NTMT1: variants seen among roughly 807,000 people sequenced by gnomAD.
NTMT1 encodes the protein N-terminal RCC1 methyltransferase.
Under a neutral mutation model 17.5 loss-of-function variants are expected in NTMT1, and 8 were observed. The observed-to-expected ratio is 0.46, with a 90% confidence interval of 0.27 to 0.82. The LOEUF is 0.82. NTMT1 is among the 40% of genes least tolerant of loss of function. The pLI, the probability that NTMT1 is intolerant of heterozygous loss-of-function variation, is 0.15. For synonymous variants in NTMT1, 128 were observed against 126.8 expected, an observed-to-expected ratio of 1.01 and a Z score of -0.06; for missense variants, 221 against 303.5, an observed-to-expected ratio of 0.73 and a Z score of 2.02.
chr9:129,612,978 C>T (rs772879040), intron 1 of NTMT1: 9 of 1,195,366 alleles, frequency 7.5e-6, no homozygotes, highest in East Asian at 5.0e-5. Flanking sequence ...CAAGCCCCCA[C>T]GGTGACTTGG....
intron 1 of NTMT1, 50 bp downstream of exon 1, chr9:129,626,345 A>AGAGCCGCTGGGAGAG (rs1830893715): frequency 6.6e-6 from 1 of 152,222 alleles, no homozygotes; most frequent in South Asian, 2.1e-4. Flanking sequence ...GGGAGAGGGG[A>AGAGCCGCTGGGAGAG]GGCTGCGACC....
intron 2 of NTMT1, 25 bp from the exon 3 acceptor site, chr9:129,634,029 T>G: frequency 6.2e-7 from 1 of 1,602,906 alleles, no homozygotes. Flanking sequence ...GTCCCTCTGA[T>G]AGGTTATATG....
In NTMT1 at chr9:129,613,233, C is replaced by T. The variant is rs750183929; in HGVS notation, c.-55+4055C>T. ...TGGAGGTGTCCTCAGAAAGGTAGCC[C>T]TGTGTCTTCTGGGTGGACCTGGGGG... On this transcript the variant is annotated intron_variant, in intron 1 of 3. Transcript: ENST00000372486. The surrounding 1 kb of genome is among the most constrained non-coding windows in gnomAD (Gnocchi z 6.2). 6.2e-7 allele frequency: 1 copy of T among 1,610,608 alleles called. No homozygotes were observed. The highest frequency in any genetic ancestry group is 8.5e-7 in the Non-Finnish European group (1 of 1,178,148).
intron 1 of NTMT1, 66 bp from the exon 2 acceptor site, chr9:129,632,584 C>T: frequency 1.7e-6 from 2 of 1,179,670 alleles, no homozygotes; most frequent in Non-Finnish European, 2.4e-6. Context: ...TGAGACTGGC[C>T]CTCTGCCCTG....
Position 129,635,941 on chromosome 9 carries a change from C to CT in NTMT1, c.*478dup, listed in dbSNP as rs1831526863. The CT allele has an allele frequency of 6.1e-6, 1 of 162,762 alleles. No homozygotes were observed. Among genetic ancestry groups the CT allele is most frequent in the Admixed American group, 6.2e-5 (1 of 16,258 alleles). The allele number at this position is 162,762 out of a possible 1,614,324, so 10.1% of individuals were successfully genotyped here. On this transcript the variant is annotated 3_prime_UTR_variant, in exon 4 of 4. Coordinates refer to ENST00000372483, the MANE Select transcript of NTMT1 (RefSeq NM_014064.4). ...AGCCCATGGGTGCTGCCTGATGGTG[C>CT]TGTGGGGTGGGTGCTCATGTGCCAA...
In NTMT1 at chr9:129,632,864, G is replaced by T. The variant is rs1373252039; in HGVS notation, c.161G>T (p.Arg54Met). 6.2e-7 allele frequency: 1 copy of T among 1,613,812 alleles called. No homozygotes were observed. The highest frequency in any genetic ancestry group is 8.5e-7 in the Non-Finnish European group (1 of 1,179,902). ...SSRKFLQRFL[R>M]EGPNKTGTSC... ...CGGAAGTTTCTGCAGAGGTTTTTGA[G>T]GGTAGGCAGGTCTGGCGTGCTCTCC... Residue 54 changes from arginine to methionine, a missense_variant and splice_region_variant, in exon 2 of 4, where the codon AGG becomes ATG. By Grantham distance (91) the Arg-to-Met change is moderately conservative. Coordinates refer to ENST00000372483, the MANE Select transcript of NTMT1 (RefSeq NM_014064.4).
intron 1 of NTMT1, chr9:129,619,601 T>TAG: frequency 6.2e-7 from 1 of 1,614,050 alleles, no homozygotes; most frequent in Middle Eastern, 1.6e-4. Flanking sequence ...GAGCGAAATC[T>TAG]TCGTAAGACT....
intron 1 of NTMT1, among the ~76,000 whole-genome samples, chr9:129,631,735 C>T (rs1003004443): frequency 1.3e-5 from 2 of 152,222 alleles, no homozygotes; most frequent in African/African-American, 4.8e-5. Context: ...CGCCCTCCAC[C>T]TACTGCGCTT....
upstream of NTMT1, among the ~76,000 whole-genome samples, chr9:129,623,290 G>A (rs1297689685): frequency 2.7e-5 from 4 of 150,714 alleles, no homozygotes; most frequent in East Asian, 1.9e-4. Context: ...CGGAGATCGC[G>A]CCACTGCACT....
upstream of NTMT1, among the ~76,000 whole-genome samples, chr9:129,621,510 C>T (rs142935569): frequency 9.2e-5 from 14 of 152,306 alleles, no homozygotes; most frequent in African/African-American, 3.4e-4. Context: ...GCACACACCA[C>T]CACAGTTGGC....
At chr9:129,612,279 G>A (rs1294549980) in intron 1 of NTMT1, 2 of 1,352,998 alleles carry the variant, frequency 1.5e-6, no homozygotes, top group Non-Finnish European at 1.0e-6. Context: ...GCCTTTATTT[G>A]TGGGGCAAGG....
upstream of NTMT1, among the ~76,000 whole-genome samples, chr9:129,622,376 C>T (rs774855651): frequency 6.6e-6 from 1 of 152,078 alleles, no homozygotes. Flanking sequence ...ACCTATAATC[C>T]CAGCTACTTG....
chr9:129,632,051 C>T (rs1467991251), intron 1 of NTMT1, among the ~76,000 whole-genome samples: 2 of 152,174 alleles, frequency 1.3e-5, no homozygotes, highest in African/African-American at 4.8e-5. Context: ...CCTGGCCCTC[C>T]AGGGTCTGCT....
intron 1 of NTMT1, chr9:129,619,734 G>C (rs1369004768): frequency 6.2e-7 from 1 of 1,613,908 alleles, no homozygotes; most frequent in East Asian, 2.2e-5. Context: ...GCGGACTGAC[G>C]CTTACCACAG....
intron 2 of NTMT1, chr9:129,633,384 C>A: frequency 4.7e-6 from 1 of 213,702 alleles, no homozygotes. Context: ...TCCATGTTCC[C>A]TCTCTGCACC....
chr9:129,612,791 C>T (rs997620574), intron 1 of NTMT1, among the ~76,000 whole-genome samples: 31 of 152,254 alleles, frequency 2.0e-4, no homozygotes, highest in African/African-American at 6.5e-4. Flanking sequence ...GATTGCACCA[C>T]TGCACTCCAG....
intron 1 of NTMT1, chr9:129,615,591 G>T (rs766245699): frequency 6.2e-7 from 1 of 1,605,624 alleles, no homozygotes; most frequent in South Asian, 1.1e-5. Context: ...GCCTTCCCCC[G>T]AGGGGTTGTG....
chr9:129,621,982 C>T (rs1476052651), upstream of NTMT1, among the ~76,000 whole-genome samples: 1 of 152,236 alleles, frequency 6.6e-6, no homozygotes, highest in Non-Finnish European at 1.5e-5. Flanking sequence ...CCGCCCCTCA[C>T]CCCTGGGCAT....
upstream of NTMT1, among the ~76,000 whole-genome samples, chr9:129,624,475 C>T (rs1409910316): frequency 6.6e-6 from 1 of 152,136 alleles, no homozygotes; most frequent in Non-Finnish European, 1.5e-5. Context: ...GAGGGTATGC[C>T]AAATAAGATG....
Sources: gnomAD v4.1 joint callset for allele counts (sites outside exome capture counted in the v4.1 genomes callset) on GRCh38, gnomAD v4.1.1 for gene constraint, Gnocchi (gnomAD v3.1) non-coding constraint, MANE v1.5 for transcripts, NCBI Gene and HGNC (gene_info 2026-07-23, HGNC 2026-07-21) for gene names.